Variants in RBFOX1 observed in about 807,000 individuals in gnomAD.
The protein encoded by RBFOX1 is RNA binding fox-1 homolog 1.
RBFOX1 carries 8 observed loss-of-function variants against 57.7 expected under a neutral mutation model. The ratio of observed to expected loss-of-function variants is 0.14; its 90% CI spans 0.08 to 0.25. RBFOX1 has a LOEUF of 0.25. RBFOX1 is among the 10% of genes least tolerant of loss of function. The pLI, the probability that RBFOX1 is intolerant of heterozygous loss-of-function variation, is 1.00. For missense variants in RBFOX1, 611 were observed against 548.5 expected (o/e 1.11, Z -1.14); for synonymous variants, 326 against 222.4 (o/e 1.47, Z -4.15).
chr16:7,653,766 T>C (rs764503280), intron 11 of RBFOX1, 49 bp from the exon 12 acceptor site: 34 of 1,598,048 alleles, frequency 2.1e-5, no homozygotes, highest in Non-Finnish European at 2.7e-5. Flanking sequence ...CAGCAGGGTG[T>C]GCATCTGACA....
At chr16:6,680,854 C>A (rs113790309) in intron 3 of RBFOX1, among the ~76,000 whole-genome samples, 287 of 152,224 alleles carry the variant, frequency 1.9e-3, no homozygotes, top group African/African-American at 6.5e-3. Flanking sequence ...GAATGAAGTA[C>A]CTTTCACTGT....
intron 3 of RBFOX1, among the ~76,000 whole-genome samples, chr16:5,725,031 G>A (rs922909532): frequency 1.1e-4 from 17 of 152,210 alleles, no homozygotes; most frequent in African/African-American, 3.9e-4. Flanking sequence ...AATCCAATCC[G>A]ATCAACCCTT....
chr16:7,407,472 A>G (rs921448171), intron 4 of RBFOX1, among the ~76,000 whole-genome samples: 1 of 152,096 alleles, frequency 6.6e-6, no homozygotes, highest in East Asian at 1.9e-4. Context: ...ATTCTCAGAC[A>G]GGTATGATTA....
chr16:5,753,376 C>T (rs2053281440), intron 3 of RBFOX1, among the ~76,000 whole-genome samples: 1 of 152,104 alleles, frequency 6.6e-6, no homozygotes, highest in Non-Finnish European at 1.5e-5. Context: ...TATTATTTTA[C>T]TGCTTATACT....
chr16:6,839,540 A>T (rs1225592868), intron 3 of RBFOX1, among the ~76,000 whole-genome samples: 1 of 152,180 alleles, frequency 6.6e-6, no homozygotes, highest in Non-Finnish European at 1.5e-5. Flanking sequence ...ACAGACAAGG[A>T]GGGTATCTGA....
intron 1 of RBFOX1, among the ~76,000 whole-genome samples, chr16:5,267,405 C>T (rs1349374320): frequency 6.6e-6 from 1 of 151,558 alleles, no homozygotes; most frequent in Non-Finnish European, 1.5e-5. Flanking sequence ...TCAAGCAATG[C>T]TTGTGCCTCA....
At chr16:5,735,150 G>C (rs973650531) in intron 3 of RBFOX1, among the ~76,000 whole-genome samples, 6 of 152,148 alleles carry the variant, frequency 3.9e-5, no homozygotes, top group African/African-American at 1.4e-4. Flanking sequence ...TGGTCACAGA[G>C]ATATTACCCC....
At chr16:6,871,628 C>T (rs2060899449) in intron 3 of RBFOX1, among the ~76,000 whole-genome samples, 1 of 152,100 alleles carries the variant, frequency 6.6e-6, no homozygotes, top group South Asian at 2.1e-4. Flanking sequence ...AGCCACTCTT[C>T]CCTCCTGCCT....
chr16:7,210,985 G>T (rs1232236632), intron 4 of RBFOX1, among the ~76,000 whole-genome samples: 1 of 151,740 alleles, frequency 6.6e-6, no homozygotes, highest in African/African-American at 2.4e-5. Flanking sequence ...GAGATGATGA[G>T]TGTGTTAAAT....
chr16:5,454,962 T>TTCCTTC (rs1567535985), intron 1 of RBFOX1, among the ~76,000 whole-genome samples: 11 of 44,062 alleles, frequency 2.5e-4, no homozygotes, highest in Non-Finnish European at 3.4e-4. Context: ...TTCCTTCCTT[T>TTCCTTC]CTTTCTTTCT....
At chr16:6,116,700 A>G (rs927754069) in intron 1 of RBFOX1, among the ~76,000 whole-genome samples, 1 of 152,218 alleles carries the variant, frequency 6.6e-6, no homozygotes, top group Non-Finnish European at 1.5e-5. Context: ...CGTTTAATCA[A>G]GTCTGAGTTG....
intron 3 of RBFOX1, among the ~76,000 whole-genome samples, chr16:5,635,137 C>A (rs1034414594): frequency 6.6e-6 from 1 of 152,198 alleles, no homozygotes; most frequent in Admixed American, 6.5e-5. Context: ...CCTCATCTTT[C>A]TTTAACATTT....
chr16:6,712,192 T>C (rs1460033877), intron 3 of RBFOX1, among the ~76,000 whole-genome samples: 1 of 152,176 alleles, frequency 6.6e-6, no homozygotes, highest in African/African-American at 2.4e-5. Context: ...TTATTTACTA[T>C]CAGAGGCTGT....
chr16:6,631,720 G>A (rs1026019999), intron 2 of RBFOX1, among the ~76,000 whole-genome samples: 1 of 152,194 alleles, frequency 6.6e-6, no homozygotes, highest in African/African-American at 2.4e-5. Flanking sequence ...GCTGGGGGAA[G>A]AGCTCACTGA....
At chr16:5,407,081 A>C (rs768155744) in intron 1 of RBFOX1, among the ~76,000 whole-genome samples, 3 of 152,190 alleles carry the variant, frequency 2.0e-5, no homozygotes, top group Non-Finnish European at 2.9e-5. Context: ...AGGCCTCAGG[A>C]AACTTAGCAG....
At chr16:7,467,071 T>G (rs1336934828) in intron 4 of RBFOX1, among the ~76,000 whole-genome samples, 1 of 152,212 alleles carries the variant, frequency 6.6e-6, no homozygotes, top group Non-Finnish European at 1.5e-5. Flanking sequence ...ACACTGCATA[T>G]AAATATGTAC....
chr16:5,736,652 C>A (rs531072520), intron 3 of RBFOX1, among the ~76,000 whole-genome samples: 1 of 152,180 alleles, frequency 6.6e-6, no homozygotes. Flanking sequence ...CTCTCTGTCA[C>A]CTGGCATTTT....
intron 4 of RBFOX1, among the ~76,000 whole-genome samples, chr16:5,905,861 C>A (rs898532242): frequency 1.3e-5 from 2 of 152,194 alleles, no homozygotes; most frequent in East Asian, 3.8e-4. Context: ...ATGCCTCCTC[C>A]GGAAGCCTTC....
intron 14 of RBFOX1, among the ~76,000 whole-genome samples, chr16:7,705,307 C>G (rs531055664): frequency 4.6e-5 from 7 of 152,040 alleles, no homozygotes; most frequent in Non-Finnish European, 1.0e-4. Context: ...GAGATCAAAA[C>G]CATCGTGGCT....
Sources: gnomAD v4.1 joint callset for allele counts (sites outside exome capture counted in the v4.1 genomes callset) on GRCh38, gnomAD v4.1.1 for gene constraint, MANE v1.5 for transcripts, NCBI Gene and HGNC (gene_info 2026-07-23, HGNC 2026-07-21) for gene names.